Variants in TRPM3 observed in about 807,000 individuals in gnomAD.
The protein encoded by TRPM3 is transient receptor potential cation channel subfamily M member 3.
A neutral mutation model predicts 181.2 loss-of-function variants in TRPM3; 77 were observed. The ratio of observed to expected loss-of-function variants is 0.42; its 90% CI spans 0.35 to 0.51. TRPM3 has a LOEUF of 0.51. Among genes scored for constraint, TRPM3 ranks in the 20% least tolerant of loss-of-function variants. The pLI, the probability that TRPM3 is intolerant of heterozygous loss-of-function variation, is 0.01. For missense variants in TRPM3, 1,759 were observed against 2,196.7 expected (o/e 0.80, Z 3.98); for synonymous variants, 745 against 796.4 (o/e 0.94, Z 1.09).
At chr9:70,560,346 G>A (rs1256424513) in intron 22 of TRPM3, among the ~76,000 whole-genome samples, 10 of 152,190 alleles carry the variant, frequency 6.6e-5, no homozygotes, top group Non-Finnish European at 1.3e-4. Flanking sequence ...ACTACCCTCT[G>A]TCTGACCCTG....
intron 1 of TRPM3, among the ~76,000 whole-genome samples, chr9:71,086,882 G>A (rs1396651831): frequency 1.3e-5 from 2 of 151,970 alleles, no homozygotes; most frequent in Non-Finnish European, 2.9e-5. Context: ...GAGAATTAGT[G>A]CCTCTTGAAA....
intron 22 of TRPM3, among the ~76,000 whole-genome samples, chr9:70,574,605 C>T (rs2053432027): frequency 6.6e-6 from 1 of 152,154 alleles, no homozygotes; most frequent in African/African-American, 2.4e-5. Context: ...TATCTGATGC[C>T]TCTACTGGGC....
intron 1 of TRPM3, among the ~76,000 whole-genome samples, chr9:71,096,590 A>ACACACACACTCTCTCTCTCTCTCTCT (rs1452142664): frequency 7.3e-4 from 66 of 90,000 alleles, no homozygotes; most frequent in African/African-American, 3.2e-3. Flanking sequence ...ACACACACAC[A>ACACACACACTCTCTCTCTCTCTCTCT]CTCTCTCTCT....
intron 8 of TRPM3, among the ~76,000 whole-genome samples, chr9:70,685,359 C>A (rs2066479346): frequency 6.8e-6 from 1 of 147,840 alleles, no homozygotes; most frequent in African/African-American, 2.5e-5. Context: ...ATATCAAAAT[C>A]ATGGTCATTT....
At chr9:71,329,226 T>A (rs1372279718) in intron 1 of TRPM3, among the ~76,000 whole-genome samples, 4 of 152,242 alleles carry the variant, frequency 2.6e-5, no homozygotes, top group African/African-American at 9.6e-5. Context: ...TCAACCGCCT[T>A]GACTGTTCAC....
chr9:70,855,622 A>C (rs1431863899), intron 3 of TRPM3, among the ~76,000 whole-genome samples: 1 of 152,202 alleles, frequency 6.6e-6, no homozygotes, highest in Non-Finnish European at 1.5e-5. Context: ...CAATATTTTT[A>C]ATGCCTTTCT....
intron 1 of TRPM3, among the ~76,000 whole-genome samples, chr9:71,042,291 C>T (rs2058918491): frequency 6.6e-6 from 1 of 152,106 alleles, no homozygotes; most frequent in South Asian, 2.1e-4. Flanking sequence ...CTCTGCTGTG[C>T]TAATTTGTGT....
chr9:71,303,220 A>C (rs1158218722), intron 1 of TRPM3, among the ~76,000 whole-genome samples: 1 of 152,234 alleles, frequency 6.6e-6, no homozygotes, highest in African/African-American at 2.4e-5. Flanking sequence ...ATTGCCCTAT[A>C]AAAAACCTAA....
intron 1 of TRPM3, among the ~76,000 whole-genome samples, chr9:71,091,082 C>T (rs1437679254): frequency 1.3e-5 from 2 of 152,164 alleles, no homozygotes; most frequent in East Asian, 3.9e-4. Flanking sequence ...GGGTCAGGAG[C>T]ATTACTACCT....
chr9:71,028,246 C>T (rs2056832433), intron 1 of TRPM3, among the ~76,000 whole-genome samples: 1 of 152,042 alleles, frequency 6.6e-6, no homozygotes, highest in African/African-American at 2.4e-5. Context: ...GAAATAAGGT[C>T]CTTTTCAGAC....
chr9:71,094,554 G>A (rs958036116), intron 1 of TRPM3, among the ~76,000 whole-genome samples: 1 of 152,096 alleles, frequency 6.6e-6, no homozygotes, highest in African/African-American at 2.4e-5. Flanking sequence ...GAATATAGGA[G>A]GAGAAAATTA....
At chr9:71,023,907 T>G (rs1018516598) in intron 1 of TRPM3, among the ~76,000 whole-genome samples, 33 of 152,202 alleles carry the variant, frequency 2.2e-4, no homozygotes, top group African/African-American at 7.2e-4. Context: ...ATGGAACTCC[T>G]CTGCTTCTTG....
chr9:70,654,128 G>T (rs1412212277), intron 9 of TRPM3, among the ~76,000 whole-genome samples: 6 of 151,774 alleles, frequency 4.0e-5, no homozygotes. Flanking sequence ...ATAGTTCAGA[G>T]ATGTATTCTA....
chr9:70,996,505 T>C (rs1015044695), intron 1 of TRPM3, among the ~76,000 whole-genome samples: 1 of 152,192 alleles, frequency 6.6e-6, no homozygotes, highest in Admixed American at 6.5e-5. Context: ...TTAAGCAAGC[T>C]AGGATGCTAA....
intron 1 of TRPM3, among the ~76,000 whole-genome samples, chr9:71,369,831 G>A (rs530673935): frequency 1.3e-5 from 2 of 152,164 alleles, no homozygotes; most frequent in Non-Finnish European, 2.9e-5. Context: ...TGGACAATGC[G>A]CTTCTCACAG....
chr9:70,748,950 T>C (rs1264616954), intron 8 of TRPM3, among the ~76,000 whole-genome samples: 2 of 152,058 alleles, frequency 1.3e-5, no homozygotes, highest in Non-Finnish European at 2.9e-5. Context: ...AGTGGTGTGA[T>C]CTCAGCTCAC....
At chr9:71,365,563 C>T (rs1055870301) in intron 1 of TRPM3, among the ~76,000 whole-genome samples, 1 of 152,080 alleles carries the variant, frequency 6.6e-6, no homozygotes, top group Non-Finnish European at 1.5e-5. Flanking sequence ...AGGTATGTGG[C>T]TTAGCAAAAA....
At chr9:70,569,470 G>C (rs751538414) in intron 22 of TRPM3, among the ~76,000 whole-genome samples, 17 of 152,290 alleles carry the variant, frequency 1.1e-4, no homozygotes, top group Non-Finnish European at 2.5e-4. Flanking sequence ...ATTATTTCAC[G>C]TGACTAGGTG....
At chr9:71,182,610 A>G (rs1375443528) in intron 1 of TRPM3, among the ~76,000 whole-genome samples, 1 of 152,138 alleles carries the variant, frequency 6.6e-6, no homozygotes, top group Admixed American at 6.6e-5. Flanking sequence ...ATTCAACATA[A>G]TAAAACATAA....
Sources: gnomAD v4.1 joint callset for allele counts (sites outside exome capture counted in the v4.1 genomes callset) on GRCh38, gnomAD v4.1.1 for gene constraint, MANE v1.5 for transcripts, NCBI Gene and HGNC (gene_info 2026-07-23, HGNC 2026-07-21) for gene names.